Variants in ITGB7 observed in about 807,000 individuals in gnomAD.
ITGB7 encodes integrin beta-7.
A neutral mutation model predicts 83.4 loss-of-function variants in ITGB7; 55 were observed. The ratio of observed to expected loss-of-function variants is 0.66; its 90% CI spans 0.53 to 0.83. ITGB7 has a LOEUF of 0.83. Ranked by LOEUF, ITGB7 falls within the 40% of genes least tolerant of loss-of-function variation. The pLI, the probability that ITGB7 is intolerant of heterozygous loss-of-function variation, is 0.00. For synonymous variants in ITGB7, 454 were observed against 423.6 expected (o/e 1.07, Z -0.88); for missense variants, 921 against 1,046.7 (o/e 0.88, Z 1.66).
At chr12:53,198,746 C>A (rs908654544) in intron 3 of ITGB7, among the ~76,000 whole-genome samples, 1 of 152,198 alleles carries the variant, frequency 6.6e-6, no homozygotes, top group Non-Finnish European at 1.5e-5. Context: ...CCAACCTCCC[C>A]AGCAAGCTCA....
At chr12:53,195,754 A>G (rs573963046) in intron 7 of ITGB7, 33 bp from the exon 8 acceptor site, 1 of 1,556,826 alleles carries the variant, frequency 6.4e-7, no homozygotes, top group South Asian at 1.1e-5. Context: ...GGTGAGCCCC[A>G]CAGGTTTCCC....
rs1193718647 is a variant in ITGB7 at position 53,191,853 on chromosome 12, C to T, written c.2316+6G>A. ...AAAAAGGGGCCTAACCAGGAAGTCT[C>T]CTCACCTGCTTCCAGTTGAGTTGTT... On this transcript the variant is annotated splice_donor_region_variant and intron_variant, in intron 15 of 15. Transcript: ENST00000267082. 1.9e-6 allele frequency: 3 copies of T among 1,613,434 alleles called. No homozygotes were observed. The highest frequency in any genetic ancestry group is 2.5e-6 in the Non-Finnish European group (3 of 1,179,942).
At chr12:53,194,133 G>C in intron 10 of ITGB7, 65 bp downstream of exon 10, 1 of 1,602,896 alleles carries the variant, frequency 6.2e-7, no homozygotes, top group Admixed American at 1.7e-5. Flanking sequence ...ATCTTTTCCT[G>C]CCTGCTTAAT....
At chr12:53,194,479 A>T in intron 9 of ITGB7, 135 bp from the exon 10 acceptor site, 1 of 819,610 alleles carries the variant, frequency 1.2e-6, no homozygotes, top group Non-Finnish European at 1.9e-6. Flanking sequence ...CATTCTGCCC[A>T]GTCGAGGCAT....
intron 2 of ITGB7, 25 bp from the exon 3 acceptor site, chr12:53,200,471 A>C (rs756552622): frequency 6.2e-7 from 1 of 1,602,058 alleles, no homozygotes; most frequent in Non-Finnish European, 8.6e-7. Flanking sequence ...AAAGGGGGAC[A>C]TGTGGGTCCT....
At chr12:53,195,829 G>A in intron 7 of ITGB7, 108 bp from the exon 8 acceptor site, 2 of 1,055,092 alleles carry the variant, frequency 1.9e-6, no homozygotes, top group South Asian at 1.4e-5. Context: ...AGCTGGAGGA[G>A]CCCTGGAGGC....
At chr12:53,203,134 G>A (rs542797026) in intron 1 of ITGB7, among the ~76,000 whole-genome samples, 8 of 152,244 alleles carry the variant, frequency 5.3e-5, no homozygotes, top group African/African-American at 9.6e-5. Context: ...TCAAGAGAGC[G>A]AAGACAACCC....
Position 53,192,487 on chromosome 12 carries a change from G to A in ITGB7, c.1998C>T (p.Cys666=), listed in dbSNP as rs369275515. The change falls in exon 14 of 16, where the codon TGC becomes TGT. Residue 666 remains cysteine, a synonymous_variant. Transcript: ENST00000267082. ...AFRTGPLATN[C]STACAHTNVT... is the part of the protein sequence containing the mutation. Reference sequence around the variant, plus strand: ...CATTGGTATGGGCACAAGCTGTACTGCAGTTGGTGGCCAGTGGGCCAGTCC... The same window carrying A: ...CATTGGTATGGGCACAAGCTGTACTACAGTTGGTGGCCAGTGGGCCAGTCC... 4.3e-6 allele frequency: 7 copies of A among 1,614,210 alleles called. No homozygotes were observed. The highest frequency in any genetic ancestry group is 5.1e-6 in the Non-Finnish European group (6 of 1,180,046).
intron 1 of ITGB7, among the ~76,000 whole-genome samples, chr12:53,205,379 G>A (rs1205155399): frequency 6.6e-6 from 1 of 151,594 alleles, no homozygotes; most frequent in Non-Finnish European, 1.5e-5. Context: ...TGCAGAGATG[G>A]GGCTTCCCCA....
intron 1 of ITGB7, 41 bp from the exon 2 acceptor site, chr12:53,201,235 G>C (rs1043752068): frequency 1.3e-5 from 2 of 152,206 alleles, no homozygotes; most frequent in African/African-American, 4.8e-5. Context: ...TGACATACTT[G>C]GCGGCTTTTA....
chr12:53,193,214 C>T lies in ITGB7; in HGVS notation c.1652G>A (p.Ser551Asn), dbSNP rs367794294. ...GCACAGATGCCCAGAGCTCTGTCCACTGCAGCTGCAGCGTCCACATTGACA... is the reference window on the plus strand; with the variant it reads ...GCACAGATGCCCAGAGCTCTGTCCATTGCAGCTGCAGCGTCCACATTGACA... ...GHCQCGRCSC[S>N]GQSSGHLCEC... Residue 551 changes from serine (S) to asparagine (N), a missense_variant, in exon 12 of 16, where the codon AGT becomes AAT. Coordinates refer to ENST00000267082, the MANE Select transcript of ITGB7 (RefSeq NM_000889.3). 4 of 1,614,034 alleles carry T rather than the reference C, an allele frequency of 2.5e-6. No individual in the cohort carries two copies. The African/African-American group carries it at 4.0e-5, about 16-fold the overall frequency.
chr12:53,192,546 G>A lies in ITGB7; in HGVS notation c.1947-8C>T, dbSNP rs1256919735. On this transcript the variant is annotated splice_polypyrimidine_tract_variant and splice_region_variant and intron_variant, in intron 13 of 15. Transcript: ENST00000267082. The stretch of plus-strand genomic sequence containing the variant: ...CCACACTCTGCACAGTCCCTGTGTA[G>A]TAGATGCCAATAGGTTACCAGCTGG... The A allele has an allele frequency of 6.2e-7, 1 of 1,613,442 alleles. No individual in the cohort carries two copies. The highest frequency in any genetic ancestry group is 2.2e-5 in the East Asian group (1 of 44,880).
Position 53,192,835 on chromosome 12 carries a change from T to G in ITGB7, c.1802A>C (p.Asp601Ala), listed in dbSNP as rs909068596. The change falls in exon 13 of 16, where the codon GAC (aspartate) becomes GCC (alanine). Residue 601 changes from aspartate to alanine, a missense_variant. Physicochemically the swap from Asp to Ala is moderately radical, Grantham distance 126. Transcript: ENST00000267082. ...RTGRACECSGDMDSCISPEGG... is the reference protein window; with the variant it reads ...RTGRACECSGAMDSCISPEGG... The stretch of plus-strand genomic sequence containing the variant: ...CTCGGGACTGATGCAACTGTCCATG[T>G]CCCCACTGCATTCGCATGCTCTGCC... 3.1e-6 allele frequency: 5 copies of G among 1,614,082 alleles called. No homozygotes were observed. The African/African-American group carries it at 5.3e-5, about 17-fold the overall frequency.
rs368581723 is a variant in ITGB7, at chr12:53,192,326, T to C, written c.2155+4A>G. ...CAGGGTTTGTGGCATCCCTGCCCACTTACTTTCTTGGGGTCTCACTCTGAG... is the reference window on the plus strand; with the variant it reads ...CAGGGTTTGTGGCATCCCTGCCCACCTACTTTCTTGGGGTCTCACTCTGAG... On this transcript the variant is annotated splice_donor_region_variant and intron_variant, in intron 14 of 15. Coordinates refer to ENST00000267082, the MANE Select transcript of ITGB7 (RefSeq NM_000889.3). 3.1e-6 allele frequency: 5 copies of C among 1,613,824 alleles called. No homozygotes were observed. In the African/African-American group the frequency reaches 6.7e-5, roughly 22 times the overall value.
intron 1 of ITGB7, among the ~76,000 whole-genome samples, chr12:53,203,667 A>AG (rs1448104032): frequency 3.4e-4 from 46 of 136,586 alleles, no homozygotes; most frequent in Non-Finnish European, 5.6e-4. Context: ...AAAAAAAAAA[A>AG]AAAAGAAAGA....
At chr12:53,197,080 G>GA (rs1942189059) in intron 5 of ITGB7, 2 of 571,034 alleles carry the variant, frequency 3.5e-6, no homozygotes, top group Admixed American at 3.1e-5. Context: ...CCGGGTATAG[G>GA]ATATGGTAGC....
chr12:53,203,445 C>T (rs1205650519), intron 1 of ITGB7, among the ~76,000 whole-genome samples: 1 of 151,840 alleles, frequency 6.6e-6, no homozygotes, highest in Non-Finnish European at 1.5e-5. Flanking sequence ...GTCAGGAGTT[C>T]AAGACCGGCC....
chr12:53,194,086 C>T (rs1208094489), intron 10 of ITGB7, 112 bp downstream of exon 10: 5 of 1,487,638 alleles, frequency 3.4e-6, no homozygotes, highest in Non-Finnish European at 4.6e-6. Context: ...TGGAGGACTA[C>T]CTCAGGCTCT....
At chr12:53,192,950 C>T (rs1260755716) in intron 12 of ITGB7, 40 bp from the exon 13 acceptor site, 1 of 1,587,386 alleles carries the variant, frequency 6.3e-7, no homozygotes, top group African/African-American at 1.3e-5. Flanking sequence ...CCATACTCCA[C>T]ACACACAGTT....
Sources: gnomAD v4.1 joint callset for allele counts (sites outside exome capture counted in the v4.1 genomes callset) on GRCh38, gnomAD v4.1.1 for gene constraint, MANE v1.5 for transcripts, NCBI Gene and HGNC (gene_info 2026-07-23, HGNC 2026-07-21) for gene names.